The following TACR3 variants were observed in gnomAD, a reference collection of about 807,000 sequenced individuals.
The protein encoded by TACR3 is tachykinin receptor 3.
Under a neutral mutation model 35.0 loss-of-function variants are expected in TACR3, and 34 were observed. The ratio of observed to expected loss-of-function variants is 0.97; its 90% CI spans 0.74 to 1.30. The LOEUF (loss-of-function observed/expected upper bound fraction) is 1.30, where lower values mean the gene tolerates loss of function less well. Ranked by LOEUF, TACR3 falls within the 50% of genes most tolerant of loss-of-function variation. TACR3 has a pLI of 0.00. For synonymous variants in TACR3, 233 were observed against 221.1 expected, an observed-to-expected ratio of 1.05 and a Z score of -0.48; for missense variants, 558 against 591.7, an observed-to-expected ratio of 0.94 and a Z score of 0.59.
At chr4:103,590,082 G>A in intron 4 of TACR3, 88 bp from the exon 5 acceptor site, 6 of 1,498,878 alleles carry the variant, frequency 4.0e-6, no homozygotes, top group South Asian at 1.2e-5. Context: ...ACCTAAGGCA[G>A]TTATAACAAC....
chr4:103,690,735 A>C (rs184899759), intron 1 of TACR3, among the ~76,000 whole-genome samples: 1 of 152,288 alleles, frequency 6.6e-6, no homozygotes, highest in Admixed American at 6.5e-5. Context: ...CTATAAAATA[A>C]GTATCAACAT....
At chr4:103,672,096 C>T (rs1346601759) in intron 1 of TACR3, among the ~76,000 whole-genome samples, 3 of 152,130 alleles carry the variant, frequency 2.0e-5, no homozygotes, top group African/African-American at 7.2e-5. Context: ...GCATAAGAAG[C>T]AGCTCCTCAA....
At chr4:103,590,737 T>G (rs1034243516) in intron 4 of TACR3, among the ~76,000 whole-genome samples, 4 of 152,192 alleles carry the variant, frequency 2.6e-5, no homozygotes, top group Non-Finnish European at 4.4e-5. Flanking sequence ...ACACATTGGT[T>G]TATTACAGGA....
chr4:103,687,227 C>G (rs372875796), intron 1 of TACR3, among the ~76,000 whole-genome samples: 10 of 152,188 alleles, frequency 6.6e-5, no homozygotes, highest in African/African-American at 9.6e-5. Context: ...CAATAAATTA[C>G]GTATTGATGG....
intron 1 of TACR3, among the ~76,000 whole-genome samples, chr4:103,691,685 A>T (rs1024309751): frequency 2.0e-5 from 3 of 152,166 alleles, no homozygotes; most frequent in Non-Finnish European, 4.4e-5. Flanking sequence ...CCAAGCTGGA[A>T]GGTTGTGGGT....
chr4:103,641,550 C>A (rs149853647), intron 3 of TACR3, among the ~76,000 whole-genome samples: 28 of 151,860 alleles, frequency 1.8e-4, no homozygotes, highest in African/African-American at 6.5e-4. Context: ...ACAGCCATTG[C>A]GTAAAACAGT....
At chr4:103,693,487 T>A (rs1428864298) in intron 1 of TACR3, among the ~76,000 whole-genome samples, 1 of 152,170 alleles carries the variant, frequency 6.6e-6, no homozygotes, top group Non-Finnish European at 1.5e-5. Context: ...ACTTTCTTCA[T>A]CATTGCATTA....
intron 3 of TACR3, among the ~76,000 whole-genome samples, chr4:103,635,536 G>A (rs565298800): frequency 6.6e-6 from 1 of 152,068 alleles, no homozygotes; most frequent in African/African-American, 2.4e-5. Context: ...GGTTGCTTTG[G>A]TGACTTGCTT....
intron 3 of TACR3, among the ~76,000 whole-genome samples, chr4:103,599,438 C>A (rs1724133116): frequency 6.6e-6 from 1 of 152,132 alleles, no homozygotes; most frequent in Non-Finnish European, 1.5e-5. Flanking sequence ...TAATTGAATA[C>A]CCTTTATTCC....
chr4:103,630,458 C>G (rs1725032441), intron 3 of TACR3, among the ~76,000 whole-genome samples: 1 of 152,146 alleles, frequency 6.6e-6, no homozygotes, highest in Non-Finnish European at 1.5e-5. Flanking sequence ...CGGCTAATAT[C>G]CAGAATCTAC....
At chr4:103,661,427 G>A (rs1401315291) in intron 1 of TACR3, among the ~76,000 whole-genome samples, 1 of 152,058 alleles carries the variant, frequency 6.6e-6, no homozygotes, top group African/African-American at 2.4e-5. Context: ...TTGTTGTACT[G>A]AACTGAATAT....
intron 3 of TACR3, among the ~76,000 whole-genome samples, chr4:103,603,101 G>A (rs914485094): frequency 6.6e-6 from 1 of 152,338 alleles, no homozygotes; most frequent in East Asian, 1.9e-4. Context: ...AATGGCAGGT[G>A]CCCCTCCCCC....
chr4:103,628,968 T>A (rs1724980018), intron 3 of TACR3, among the ~76,000 whole-genome samples: 1 of 152,194 alleles, frequency 6.6e-6, no homozygotes, highest in African/African-American at 2.4e-5. Flanking sequence ...ATCCCTGGGA[T>A]GCAAGGCTGG....
intron 3 of TACR3, among the ~76,000 whole-genome samples, chr4:103,639,052 G>A (rs1294008416): frequency 7.2e-5 from 11 of 151,962 alleles, no homozygotes; most frequent in East Asian, 1.9e-4. Context: ...GGGATCTAGA[G>A]CTAGAAATAC....
intron 3 of TACR3, among the ~76,000 whole-genome samples, chr4:103,633,004 TG>T (rs1445812593): frequency 6.6e-6 from 1 of 151,924 alleles, no homozygotes; most frequent in Admixed American, 6.6e-5. Context: ...GATTAAAAAG[TG>T]TTAGTATGAT....
intron 4 of TACR3, 77 bp downstream of exon 4, chr4:103,591,410 G>T (rs1203986106): frequency 8.3e-5 from 129 of 1,562,634 alleles, no homozygotes; most frequent in Non-Finnish European, 1.1e-4. Flanking sequence ...TTTGAACCAA[G>T]AAAATGGAAC....
intron 1 of TACR3, among the ~76,000 whole-genome samples, chr4:103,674,463 G>A (rs547626620): frequency 1.3e-5 from 2 of 152,154 alleles, no homozygotes; most frequent in East Asian, 3.9e-4. Context: ...GTTTTCATCA[G>A]AAGGAGCTTG....
intron 3 of TACR3, among the ~76,000 whole-genome samples, chr4:103,647,648 G>A (rs1379389693): frequency 6.6e-6 from 1 of 151,260 alleles, no homozygotes; most frequent in Non-Finnish European, 1.5e-5. Context: ...GAAATTAGTT[G>A]AATATACTTT....
At chr4:103,597,450 T>C (rs1160946408) in intron 3 of TACR3, among the ~76,000 whole-genome samples, 4 of 152,120 alleles carry the variant, frequency 2.6e-5, no homozygotes, top group Non-Finnish European at 4.4e-5. Context: ...AGAATCCTTT[T>C]TTTTAAATTT....
Sources: gnomAD v4.1 joint callset for allele counts (sites outside exome capture counted in the v4.1 genomes callset) on GRCh38, gnomAD v4.1.1 for gene constraint, MANE v1.5 for transcripts, NCBI Gene and HGNC (gene_info 2026-07-23, HGNC 2026-07-21) for gene names.